TRABD2B: variants seen among roughly 807,000 people sequenced by gnomAD.
TRABD2B encodes the protein TraB domain containing 2B.
In TRABD2B, 14 loss-of-function variants were observed where a neutral mutation model predicts 40.1. That is an observed-to-expected ratio of 0.35 (90% CI 0.23 to 0.55). The LOEUF is 0.55. Among genes scored for constraint, TRABD2B ranks in the 20% least tolerant of loss-of-function variants. TRABD2B has a pLI of 0.90. For synonymous variants in TRABD2B, 263 were observed against 277.0 expected (o/e 0.95, Z 0.50); for missense variants, 541 against 648.6 (o/e 0.83, Z 1.80).
intron 4 of TRABD2B, among the ~76,000 whole-genome samples, chr1:47,784,094 C>T (rs1644562350): frequency 6.6e-6 from 1 of 152,178 alleles, no homozygotes; most frequent in Non-Finnish European, 1.5e-5. Context: ...TCATTTCATC[C>T]TTGCAGCGGC....
chr1:47,892,029 A>G (rs896042365), intron 2 of TRABD2B, among the ~76,000 whole-genome samples: 1 of 152,200 alleles, frequency 6.6e-6, no homozygotes, highest in Non-Finnish European at 1.5e-5. Context: ...GGTTTTCAGA[A>G]TTAATGTTTT....
At chr1:47,941,154 C>T (rs1375170709) in intron 2 of TRABD2B, among the ~76,000 whole-genome samples, 3 of 152,190 alleles carry the variant, frequency 2.0e-5, no homozygotes, top group Non-Finnish European at 2.9e-5. Context: ...CACTCCTCAT[C>T]CTAACCAAGG....
chr1:47,885,624 G>A (rs1288188107), intron 2 of TRABD2B, among the ~76,000 whole-genome samples: 5 of 152,146 alleles, frequency 3.3e-5, no homozygotes, highest in Non-Finnish European at 7.4e-5. Flanking sequence ...GGGTTGAAGC[G>A]GGAGGCAGGG....
intron 2 of TRABD2B, among the ~76,000 whole-genome samples, chr1:47,981,321 C>T (rs1409920716): frequency 2.0e-5 from 3 of 152,206 alleles, no homozygotes; most frequent in African/African-American, 4.8e-5. Context: ...GCCACATTCT[C>T]TCTTTTCCTT....
At chr1:47,974,877 G>A (rs998424802) in intron 2 of TRABD2B, among the ~76,000 whole-genome samples, 1 of 152,228 alleles carries the variant, frequency 6.6e-6, no homozygotes, top group Non-Finnish European at 1.5e-5. Context: ...TTGATATGAT[G>A]TGAGGAGAAT....
intron 2 of TRABD2B, among the ~76,000 whole-genome samples, chr1:47,851,232 C>T (rs913183087): frequency 8.5e-5 from 13 of 152,230 alleles, no homozygotes; most frequent in African/African-American, 3.1e-4. Flanking sequence ...GCTGCACACT[C>T]ATGACTCTCC....
chr1:47,989,624 T>C (rs572138458), intron 2 of TRABD2B, among the ~76,000 whole-genome samples: 2 of 152,302 alleles, frequency 1.3e-5, no homozygotes, highest in South Asian at 2.1e-4. Context: ...CAGAATGTCT[T>C]TGAGAACTCC....
At chr1:47,874,126 G>T (rs931719914) in intron 2 of TRABD2B, among the ~76,000 whole-genome samples, 11 of 152,144 alleles carry the variant, frequency 7.2e-5, no homozygotes, top group African/African-American at 2.7e-4. Context: ...TAGTGCAAGG[G>T]GTAAGTGGGT....
intron 2 of TRABD2B, among the ~76,000 whole-genome samples, chr1:47,873,158 C>T (rs1644169129): frequency 6.6e-6 from 1 of 152,110 alleles, no homozygotes; most frequent in African/African-American, 2.4e-5. Flanking sequence ...ATCGTGAGGG[C>T]AGAGCCCTCA....
At chr1:47,843,591 T>A (rs1645428876) in intron 2 of TRABD2B, among the ~76,000 whole-genome samples, 1 of 152,062 alleles carries the variant, frequency 6.6e-6, no homozygotes, top group African/African-American at 2.4e-5. Flanking sequence ...ATTTGGGAGA[T>A]GACTTTTTAA....
At chr1:47,839,116 A>T (rs971880036) in intron 2 of TRABD2B, among the ~76,000 whole-genome samples, 5 of 152,142 alleles carry the variant, frequency 3.3e-5, no homozygotes, top group Non-Finnish European at 7.3e-5. Context: ...ACATTGTGGG[A>T]TAAGGTGAGA....
intron 2 of TRABD2B, among the ~76,000 whole-genome samples, chr1:47,844,356 G>A (rs1645439668): frequency 6.6e-6 from 1 of 152,216 alleles, no homozygotes; most frequent in Non-Finnish European, 1.5e-5. Context: ...AGGTCCATAT[G>A]AGTTGGGGCC....
At chr1:47,842,722 T>A (rs569578575) in intron 2 of TRABD2B, among the ~76,000 whole-genome samples, 1 of 152,344 alleles carries the variant, frequency 6.6e-6, no homozygotes, top group East Asian at 1.9e-4. Context: ...TGGATGCGTC[T>A]GCCCCATTCA....
chr1:47,879,328 TTTTTA>T (rs1229751010), intron 2 of TRABD2B, among the ~76,000 whole-genome samples: 1 of 152,320 alleles, frequency 6.6e-6, no homozygotes, highest in East Asian at 1.9e-4. Context: ...ATATGTAAAA[TTTTTA>T]TTTTATTTTA....
intron 6 of TRABD2B, among the ~76,000 whole-genome samples, chr1:47,769,082 C>T (rs946866603): frequency 2.6e-5 from 4 of 152,250 alleles, no homozygotes; most frequent in African/African-American, 9.6e-5. Context: ...GAGGCCTCAT[C>T]TGGCCTCAGC....
At chr1:47,816,572 C>A (rs573746885) in intron 2 of TRABD2B, among the ~76,000 whole-genome samples, 1 of 152,182 alleles carries the variant, frequency 6.6e-6, no homozygotes, top group Non-Finnish European at 1.5e-5. Flanking sequence ...CATCATCTCT[C>A]CCCTTTGCCT....
At chr1:47,984,168 G>A (rs1645882689) in intron 2 of TRABD2B, among the ~76,000 whole-genome samples, 1 of 152,246 alleles carries the variant, frequency 6.6e-6, no homozygotes, top group African/African-American at 2.4e-5. Context: ...AGAAGACAAG[G>A]AGGGGAAGGC....
At chr1:47,919,590 C>G (rs898793368) in intron 2 of TRABD2B, among the ~76,000 whole-genome samples, 41 of 152,198 alleles carry the variant, frequency 2.7e-4, no homozygotes, top group Admixed American at 2.0e-4. Context: ...CTTTGGTCTC[C>G]CCATCTGTAA....
intron 2 of TRABD2B, among the ~76,000 whole-genome samples, chr1:47,943,752 C>T (rs1354646309): frequency 8.9e-6 from 1 of 112,454 alleles, no homozygotes; most frequent in Non-Finnish European, 1.8e-5. Flanking sequence ...GAGATGCATC[C>T]AGAAAACACA....
Sources: gnomAD v4.1 joint callset for allele counts (sites outside exome capture counted in the v4.1 genomes callset) on GRCh38, gnomAD v4.1.1 for gene constraint, MANE v1.5 for transcripts, NCBI Gene and HGNC (gene_info 2026-07-23, HGNC 2026-07-21) for gene names.